JCHAIN: variants seen among roughly 807,000 people sequenced by gnomAD.
JCHAIN encodes immunoglobulin J chain.
A neutral mutation model predicts 11.1 loss-of-function variants in JCHAIN; 5 were observed. The observed-to-expected ratio is 0.45, with a 90% CI of 0.24 to 0.95. The LOEUF is 0.95. Among genes scored for constraint, JCHAIN ranks in the 40% least tolerant of loss-of-function variants. JCHAIN has a pLI of 0.21. For missense variants in JCHAIN, 165 were observed against 192.7 expected (o/e 0.86, Z 0.85); for synonymous variants, 51 against 67.8 (o/e 0.75, Z 1.22).
intron 1 of JCHAIN, among the ~76,000 whole-genome samples, chr4:70,664,434 G>T (rs1379308011): frequency 6.6e-6 from 1 of 152,058 alleles, no homozygotes; most frequent in Non-Finnish European, 1.5e-5. Context: ...GATTCCCAGA[G>T]CAAAGAGGAC....
chr4:70,661,617 C>A (rs997303973), intron 2 of JCHAIN, among the ~76,000 whole-genome samples: 5 of 152,072 alleles, frequency 3.3e-5, no homozygotes, highest in African/African-American at 1.2e-4. Context: ...TAGTGAGACC[C>A]TGTCTCTAAA....
intron 1 of JCHAIN, chr4:70,664,287 A>C (rs1270746401): frequency 6.6e-6 from 1 of 152,084 alleles, no homozygotes; most frequent in Non-Finnish European, 1.5e-5. Flanking sequence ...TATTCATATA[A>C]TTTTAGCTAA....
chr4:70,663,860 A>T (rs1331306024), intron 1 of JCHAIN, among the ~76,000 whole-genome samples: 2 of 151,378 alleles, frequency 1.3e-5, no homozygotes, highest in African/African-American at 4.8e-5. Flanking sequence ...CACGCCTGGC[A>T]AATTACCAGA....
chr4:70,657,877 A>G (rs1738979295), intron 2 of JCHAIN, among the ~76,000 whole-genome samples: 1 of 152,180 alleles, frequency 6.6e-6, no homozygotes, highest in South Asian at 2.1e-4. Context: ...ACCCAAGTTC[A>G]CACAACAATT....
chr4:70,657,351 G>T lies in JCHAIN; in HGVS notation c.189-60C>A, dbSNP rs114837274. The T allele has an allele frequency of 3.1e-3, 3,242 of 1,049,436 alleles. 71 individuals are homozygous for T. The African/African-American group carries it at 0.047, about 15-fold the overall frequency. 65.0% of individuals were successfully genotyped at this position (1,049,436 alleles called of 1,614,324 possible). A position where few individuals can be genotyped will look rare whatever the true frequency, so the allele number is the denominator to read the frequency against. ...TGAAATGCAGATATTGTTATTTTTG[G>T]TAATGAGTATACGGCCACTATTTCA... On this transcript the variant is annotated intron_variant, in intron 2 of 3. Transcript: ENST00000254801.
At chr4:70,663,853 G>A (rs765325907) in intron 1 of JCHAIN, among the ~76,000 whole-genome samples, 18 of 151,742 alleles carry the variant, frequency 1.2e-4, no homozygotes, top group South Asian at 8.4e-4. Context: ...GAGCCACCAC[G>A]CCTGGCAAAT....
At position 70,662,078 on chromosome 4, in the gene JCHAIN, G is replaced by A; in HGVS notation, c.188+14C>T. 6.2e-7 allele frequency: 1 copy of A among 1,612,262 alleles called. No individual in the cohort carries two copies. Among genetic ancestry groups the A allele is most frequent in the Non-Finnish European group, 8.5e-7 (1 of 1,178,916 alleles). ...CTTAGAACAGGAAAAAAAGGAATATGGAATGCCACATACATAATTCGGATG... is the reference window on the plus strand; with the variant it reads ...CTTAGAACAGGAAAAAAAGGAATATAGAATGCCACATACATAATTCGGATG... On this transcript the variant is annotated intron_variant, in intron 2 of 3. Coordinates refer to ENST00000254801, the MANE Select transcript of JCHAIN (RefSeq NM_144646.4).
At chr4:70,666,109 A>G (rs1172320106) in intron 1 of JCHAIN, among the ~76,000 whole-genome samples, 1 of 152,172 alleles carries the variant, frequency 6.6e-6, no homozygotes, top group Non-Finnish European at 1.5e-5. Context: ...CCAGAATATT[A>G]ATTTAAGAGA....
At chr4:70,661,979 G>T in intron 2 of JCHAIN, 113 bp downstream of exon 2, 1 of 990,018 alleles carries the variant, frequency 1.0e-6, no homozygotes, top group Non-Finnish European at 1.5e-6. Context: ...CATGTAAAGT[G>T]CTACACAGCA....
chr4:70,657,208 T>C lies in JCHAIN; in HGVS notation c.269+3A>G. 1 of 1,539,290 alleles carries C rather than the reference T, an allele frequency of 6.5e-7. No homozygotes were observed. Among genetic ancestry groups the C allele is most frequent in the Non-Finnish European group, 9.0e-7 (1 of 1,113,496 alleles). On this transcript the variant is annotated splice_donor_region_variant and intron_variant, in intron 3 of 3. Coordinates refer to ENST00000254801, the MANE Select transcript of JCHAIN (RefSeq NM_144646.4). ...TATTACTATGGAAAAAAATATATCT[T>C]ACAGGTCAGACAAATGGTACACAAA...
chr4:70,658,676 C>T (rs1335463526), intron 2 of JCHAIN, among the ~76,000 whole-genome samples: 1 of 152,140 alleles, frequency 6.6e-6, no homozygotes, highest in African/African-American at 2.4e-5. Flanking sequence ...TCTCTCACTC[C>T]CCACACACAT....
chr4:70,666,372 A>G, intron 1 of JCHAIN, 55 bp downstream of exon 1: 1 of 1,267,382 alleles, frequency 7.9e-7, no homozygotes, highest in Non-Finnish European at 1.1e-6. Context: ...ACTGAAAAAC[A>G]GATCTGTCCT....
intron 1 of JCHAIN, among the ~76,000 whole-genome samples, chr4:70,662,729 G>C (rs1052883917): frequency 1.3e-5 from 2 of 152,144 alleles, no homozygotes; most frequent in African/African-American, 2.4e-5. Context: ...GGGAGGCCGA[G>C]GCGGGCAGAT....
At chr4:70,666,248 A>G (rs959286505) in intron 1 of JCHAIN, among the ~76,000 whole-genome samples, 179 bp downstream of exon 1, 1 of 152,212 alleles carries the variant, frequency 6.6e-6, no homozygotes, top group Non-Finnish European at 1.5e-5. Context: ...TAAGAGAAAA[A>G]AGAATAAAAA....
In JCHAIN at chr4:70,656,418, A is replaced by G; in HGVS notation, c.391T>C (p.Cys131Arg). 1 of 1,614,030 alleles carries G rather than the reference A, an allele frequency of 6.2e-7. No homozygotes were observed. The highest frequency in any genetic ancestry group is 8.5e-7 in the Non-Finnish European group (1 of 1,179,916). Residue 131 changes from cysteine to arginine, a missense_variant, in exon 4 of 4, where the codon TGC (cysteine) becomes CGC (arginine). Physicochemically the swap from Cys to Arg is radical, Grantham distance 180. Coordinates refer to ENST00000254801, the MANE Select transcript of JCHAIN (RefSeq NM_144646.4). ...ETCYTYDRNK[C>R]YTAVVPLVYG... ...ACGAGTGGGACCACAGCTGTGTAGC[A>G]CTTGTTTCTGTCATAAGTGTAGCAG... is the stretch of plus-strand genomic sequence containing the variant.
intron 2 of JCHAIN, among the ~76,000 whole-genome samples, chr4:70,659,786 G>A (rs1739021455): frequency 6.6e-6 from 1 of 151,916 alleles, no homozygotes; most frequent in African/African-American, 2.4e-5. Flanking sequence ...AGAATTGTTT[G>A]AACCCAGGAG....
At chr4:70,663,417 A>T (rs1389880628) in intron 1 of JCHAIN, 1 of 152,208 alleles carries the variant, frequency 6.6e-6, no homozygotes, top group Admixed American at 6.6e-5. Context: ...GCTGGTCTTA[A>T]ACTCCTGACC....
chr4:70,665,150 C>A (rs1166421187), intron 1 of JCHAIN, among the ~76,000 whole-genome samples: 1 of 152,036 alleles, frequency 6.6e-6, no homozygotes, highest in Non-Finnish European at 1.5e-5. Context: ...AATGAGTTTA[C>A]TAAAAAGTGA....
chr4:70,655,778 A>G lies in JCHAIN; in HGVS notation c.*551T>C, dbSNP rs1738936575. On this transcript the variant is annotated 3_prime_UTR_variant, in exon 4 of 4. Transcript: ENST00000254801. ...ATAAATATTAGAGATTTCACCTTAA[A>G]TTATTTTTGTAACTAGTTCTAGAAC... 6.6e-6 allele frequency: 1 copy of G among 152,124 alleles called. No homozygotes were observed. Among genetic ancestry groups the G allele is most frequent in the Admixed American group, 6.6e-5 (1 of 15,260 alleles). 9.4% of individuals were successfully genotyped at this position (152,124 alleles called of 1,614,324 possible).
Sources: allele counts gnomAD v4.1 joint callset (sites outside exome capture counted in the v4.1 genomes callset), GRCh38; gene constraint gnomAD v4.1.1; transcripts MANE v1.5; gene names NCBI Gene and HGNC (gene_info 2026-07-23, HGNC 2026-07-21).